SLC44A1: variants seen among roughly 807,000 people sequenced by gnomAD.
SLC44A1 encodes solute carrier family 44 member 1, also known as choline transporter-like protein 1.
A neutral mutation model predicts 79.3 loss-of-function variants in SLC44A1; 26 were observed. The observed-to-expected ratio is 0.33, with a 90% CI of 0.24 to 0.46. The LOEUF is 0.46. SLC44A1 is among the 20% of genes least tolerant of loss of function. The pLI, the probability that SLC44A1 is intolerant of heterozygous loss-of-function variation, is 1.00. For synonymous variants in SLC44A1, 263 were observed against 286.2 expected (o/e 0.92, Z 0.82); for missense variants, 688 against 798.1 (o/e 0.86, Z 1.66).
chr9:105,326,852 C>A (rs1826593365), intron 3 of SLC44A1, among the ~76,000 whole-genome samples: 1 of 152,190 alleles, frequency 6.6e-6, no homozygotes, highest in Non-Finnish European at 1.5e-5. Context: ...CTGCTAGAAT[C>A]CTACAGCCAA....
intron 2 of SLC44A1, among the ~76,000 whole-genome samples, chr9:105,306,538 T>G (rs1244043063): frequency 2.6e-5 from 4 of 151,160 alleles, no homozygotes; most frequent in African/African-American, 4.9e-5. Context: ...CTTATTAGCT[T>G]ATTATTCTCC....
chr9:105,368,539 A>G (rs1828007757), intron 12 of SLC44A1, among the ~76,000 whole-genome samples: 1 of 152,204 alleles, frequency 6.6e-6, no homozygotes, highest in Non-Finnish European at 1.5e-5. Context: ...CGAGACCTAA[A>G]GGTGGAAGAA....
rs1828818785 is a variant in SLC44A1 at position 105,393,812 on chromosome 9, T to C, written c.*4756T>C. 6 of 985,148 alleles carry C rather than the reference T, an allele frequency of 6.1e-6. No homozygotes were observed. The South Asian group carries it at 2.8e-4, about 46-fold the overall frequency. 61.0% of individuals were successfully genotyped at this position (985,148 alleles called of 1,614,324 possible). A position where few individuals can be genotyped will look rare whatever the true frequency, so the allele number is the denominator to read the frequency against. On this transcript the variant is annotated 3_prime_UTR_variant, in exon 16 of 16. Coordinates refer to ENST00000374720, the MANE Select transcript of SLC44A1 (RefSeq NM_080546.5). ...GACCTATTAGGCTATTCTTCAGTTT[T>C]GATGCTCAGTTTTACAACTTAAATG...
intron 15 of SLC44A1, among the ~76,000 whole-genome samples, chr9:105,424,610 C>T (rs1477670060): frequency 1.6e-4 from 24 of 152,106 alleles, no homozygotes; most frequent in Admixed American, 1.5e-3. Flanking sequence ...ACTATTATAT[C>T]AACAATGGTG....
At chr9:105,344,279 T>A (rs1827183275) in intron 4 of SLC44A1, among the ~76,000 whole-genome samples, 1 of 152,228 alleles carries the variant, frequency 6.6e-6, no homozygotes, top group Admixed American at 6.5e-5. Flanking sequence ...AGAAACTCTT[T>A]GTTTTGTATC....
Position 105,392,651 on chromosome 9 carries a change from AT to A in SLC44A1, c.*3596del. 1 of 985,316 alleles carries A rather than the reference AT, an allele frequency of 1.0e-6. No individual in the cohort carries two copies. Among genetic ancestry groups the A allele is most frequent in the Non-Finnish European group, 1.2e-6 (1 of 829,958 alleles). 61.0% of individuals were successfully genotyped at this position (985,316 alleles called of 1,614,324 possible). ...GCTACAGGAACTGCAGGCACCACAT[AT>A]GTGTGAGGCCACATCACTGCCCCTG... On this transcript the variant is annotated 3_prime_UTR_variant, in exon 16 of 16. Coordinates refer to ENST00000374720, the MANE Select transcript of SLC44A1 (RefSeq NM_080546.5).
intron 3 of SLC44A1, among the ~76,000 whole-genome samples, chr9:105,323,966 T>C (rs10991622): frequency 0.028 from 4,268 of 152,270 alleles, 74 homozygotes; most frequent in Non-Finnish European, 0.037. Flanking sequence ...CTCTAGTCCT[T>C]TGACTCCTGT....
intron 1 of SLC44A1, among the ~76,000 whole-genome samples, chr9:105,276,565 CGTGTGTGTGTGTGTGTGTGTGT>C (rs60259632): frequency 1.2e-4 from 14 of 118,894 alleles, no homozygotes; most frequent in African/African-American, 1.5e-4. Flanking sequence ...GATGGGGAGC[CGTGTGTGTGTGTGTGTGTGTGT>C]GTGTGTGTGT....
At chr9:105,377,691 G>A (rs532581947) in intron 13 of SLC44A1, among the ~76,000 whole-genome samples, 2 of 151,820 alleles carry the variant, frequency 1.3e-5, no homozygotes, top group Admixed American at 1.3e-4. Context: ...GAACCCAGGA[G>A]GCAGAGGTTG....
At chr9:105,279,119 T>G (rs1830284571) in intron 1 of SLC44A1, among the ~76,000 whole-genome samples, 1 of 148,312 alleles carries the variant, frequency 6.7e-6, no homozygotes, top group Admixed American at 6.8e-5. Context: ...AAATAGGTAT[T>G]CCCCGGGAGG....
intron 1 of SLC44A1, among the ~76,000 whole-genome samples, chr9:105,295,330 C>T (rs929130401): frequency 2.6e-5 from 4 of 152,152 alleles, no homozygotes; most frequent in Non-Finnish European, 5.9e-5. Context: ...GTTCCTAAAC[C>T]GCAAGATCCT....
intron 1 of SLC44A1, among the ~76,000 whole-genome samples, chr9:105,267,498 C>T (rs1168691091): frequency 6.6e-6 from 1 of 152,140 alleles, no homozygotes; most frequent in Non-Finnish European, 1.5e-5. Context: ...TTTTTGAACT[C>T]CTTGTCTTTT....
intron 13 of SLC44A1, among the ~76,000 whole-genome samples, chr9:105,378,480 A>G (rs1349852542): frequency 2.0e-5 from 3 of 152,140 alleles, no homozygotes; most frequent in Non-Finnish European, 4.4e-5. Flanking sequence ...TGCCCACATC[A>G]ATCTTTATTT....
In SLC44A1 at chr9:105,393,598, G is replaced by A; in HGVS notation, c.*4542G>A. The A allele has an allele frequency of 1.0e-6, 1 of 965,752 alleles. No individual in the cohort carries two copies. Among genetic ancestry groups the A allele is most frequent in the Non-Finnish European group, 1.2e-6 (1 of 812,152 alleles). 59.8% of individuals were successfully genotyped at this position (965,752 alleles called of 1,614,324 possible). A position where few individuals can be genotyped will look rare whatever the true frequency, so the allele number is the denominator to read the frequency against. ...GTTTTTAAACTTACTGATTTCTGTG[G>A]AAAACCTTTCTTTTCTATAGAAATA... is the stretch of plus-strand genomic sequence containing the variant. On this transcript the variant is annotated 3_prime_UTR_variant, in exon 16 of 16. Coordinates refer to ENST00000374720, the MANE Select transcript of SLC44A1 (RefSeq NM_080546.5).
At chr9:105,271,865 C>T (rs1441943422) in intron 1 of SLC44A1, among the ~76,000 whole-genome samples, 3 of 152,136 alleles carry the variant, frequency 2.0e-5, no homozygotes, top group East Asian at 3.9e-4. Context: ...CCTCCTGCCT[C>T]GACCTCCCAA....
chr9:105,359,511 A>G (rs941206006), intron 7 of SLC44A1, among the ~76,000 whole-genome samples: 4 of 152,230 alleles, frequency 2.6e-5, no homozygotes, highest in Admixed American at 2.0e-4. Context: ...GAATAGTGTT[A>G]TAATGATTAA....
chr9:105,355,908 G>T (rs1827606637), intron 5 of SLC44A1: 2 of 284,536 alleles, frequency 7.0e-6, no homozygotes, highest in Non-Finnish European at 6.5e-6. Context: ...GTTTGGTTTT[G>T]CTTTTGGTAG....
intron 1 of SLC44A1, among the ~76,000 whole-genome samples, chr9:105,260,078 T>C (rs1277934795): frequency 6.6e-6 from 1 of 152,214 alleles, no homozygotes; most frequent in Non-Finnish European, 1.5e-5. Flanking sequence ...TAAGAATATC[T>C]TAATCAGGAT....
chr9:105,357,509 C>G (rs1487841425), intron 6 of SLC44A1, among the ~76,000 whole-genome samples: 2 of 151,992 alleles, frequency 1.3e-5, no homozygotes, highest in Non-Finnish European at 2.9e-5. Context: ...CTTAAAAAAT[C>G]TTTGTTCATT....
Sources: gnomAD v4.1 joint callset for allele counts (sites outside exome capture counted in the v4.1 genomes callset) on GRCh38, gnomAD v4.1.1 for gene constraint, MANE v1.5 for transcripts, NCBI Gene and HGNC (gene_info 2026-07-23, HGNC 2026-07-21) for gene names.